Variants in GPC5 observed in about 807,000 individuals in gnomAD.
The protein encoded by GPC5 is glypican 5, also known as glypican-5.
Under a neutral mutation model 53.9 loss-of-function variants are expected in GPC5, and 47 were observed. The observed-to-expected ratio is 0.87, with a 90% confidence interval of 0.69 to 1.11. The LOEUF (loss-of-function observed/expected upper bound fraction) is 1.11, where lower values mean the gene tolerates loss of function less well. GPC5 is among the 50% of genes most tolerant of loss of function. The pLI, the probability that GPC5 is intolerant of heterozygous loss-of-function variation, is 0.00. For missense variants in GPC5, 748 were observed against 713.1 expected, an observed-to-expected ratio of 1.05 and a Z score of -0.56; for synonymous variants, 286 against 263.3, an observed-to-expected ratio of 1.09 and a Z score of -0.84.
At chr13:92,718,089 T>C (rs1329507053) in intron 7 of GPC5, among the ~76,000 whole-genome samples, 1 of 152,208 alleles carries the variant, frequency 6.6e-6, no homozygotes, top group Admixed American at 6.5e-5. Flanking sequence ...GGAACGCTTG[T>C]ACATTGCTAG....
At chr13:91,676,618 C>T (rs1206571024) in intron 2 of GPC5, among the ~76,000 whole-genome samples, 1 of 152,024 alleles carries the variant, frequency 6.6e-6, no homozygotes, top group East Asian at 1.9e-4. Flanking sequence ...CTTTTGTACC[C>T]TCCCTCACAC....
At chr13:92,518,842 T>C (rs536536689) in intron 7 of GPC5, among the ~76,000 whole-genome samples, 1 of 152,294 alleles carries the variant, frequency 6.6e-6, no homozygotes, top group South Asian at 2.1e-4. Context: ...GCAAATTGGA[T>C]AAAGAGTCAA....
Position 91,871,150 on chromosome 13 carries a change from A to C in GPC5, c.1281-36787A>C, listed in dbSNP as rs536376132. On this transcript the variant is annotated intron_variant, in intron 5 of 7. Coordinates refer to ENST00000377067, the MANE Select transcript of GPC5 (RefSeq NM_004466.6). ...AATTTTCAACTTTTGACAGCATGTCAGTACTCAAAAGTTTCAGATTTTGGA... is the reference window on the plus strand; with the variant it reads ...AATTTTCAACTTTTGACAGCATGTCCGTACTCAAAAGTTTCAGATTTTGGA... Among the ~76,000 whole-genome samples the C allele has an allele frequency of 3.9e-5, 6 of 152,348 alleles. No individual in the cohort carries two copies. The East Asian group carries it at 1.2e-3, about 29-fold the overall frequency.
intron 7 of GPC5, among the ~76,000 whole-genome samples, chr13:92,445,548 G>A (rs897670736): frequency 7.1e-6 from 1 of 140,384 alleles, no homozygotes; most frequent in Non-Finnish European, 1.5e-5. Flanking sequence ...TCCCACCTAT[G>A]AGTGAGAATA....
At chr13:91,554,459 T>A (rs1042674399) in intron 2 of GPC5, among the ~76,000 whole-genome samples, 8 of 152,028 alleles carry the variant, frequency 5.3e-5, no homozygotes, top group Non-Finnish European at 7.4e-5. Context: ...AATAATTTGC[T>A]GAAGGGGCAA....
At chr13:91,712,318 G>C (rs942366876) in intron 3 of GPC5, among the ~76,000 whole-genome samples, 1 of 151,080 alleles carries the variant, frequency 6.6e-6, no homozygotes, top group Non-Finnish European at 1.5e-5. Flanking sequence ...GTGTGTATAT[G>C]TGTGTGTGTG....
At chr13:91,601,108 T>C (rs957468922) in intron 2 of GPC5, among the ~76,000 whole-genome samples, 2 of 152,206 alleles carry the variant, frequency 1.3e-5, no homozygotes, top group African/African-American at 4.8e-5. Flanking sequence ...ATCTTCAAGA[T>C]TTATTTTAAA....
intron 7 of GPC5, among the ~76,000 whole-genome samples, chr13:92,433,628 G>T (rs1485489422): frequency 6.6e-6 from 1 of 152,112 alleles, no homozygotes; most frequent in Non-Finnish European, 1.5e-5. Flanking sequence ...TTATATGAAT[G>T]TTATGCCTGC....
chr13:92,527,731 G>A (rs557524842), intron 7 of GPC5, among the ~76,000 whole-genome samples: 12 of 152,104 alleles, frequency 7.9e-5, no homozygotes, highest in East Asian at 3.9e-4. Context: ...AGACACTTTC[G>A]AACAGCCTTT....
chr13:92,164,099 G>A (rs2042010244), intron 7 of GPC5, among the ~76,000 whole-genome samples: 1 of 152,038 alleles, frequency 6.6e-6, no homozygotes, highest in Admixed American at 6.5e-5. Flanking sequence ...CAACATGTGG[G>A]GATTACAATT....
chr13:92,771,595 G>A (rs556242586), intron 7 of GPC5, among the ~76,000 whole-genome samples: 8 of 152,046 alleles, frequency 5.3e-5, no homozygotes, highest in East Asian at 1.9e-4. Flanking sequence ...CACCTGCCTC[G>A]GCCTCCCAAA....
chr13:92,513,194 C>G (rs2138955659), intron 7 of GPC5, among the ~76,000 whole-genome samples: 1 of 152,288 alleles, frequency 6.6e-6, no homozygotes, highest in Non-Finnish European at 1.5e-5. Context: ...CCGCCTTTTC[C>G]TGTAGTGAAA....
chr13:92,368,971 G>T (rs2043628831), intron 7 of GPC5, among the ~76,000 whole-genome samples: 1 of 152,068 alleles, frequency 6.6e-6, no homozygotes, highest in African/African-American at 2.4e-5. Context: ...TGAGTCTATT[G>T]CATTTTCTCT....
At chr13:91,494,040 AT>A (rs746380324) in intron 2 of GPC5, among the ~76,000 whole-genome samples, 10 of 149,586 alleles carry the variant, frequency 6.7e-5, no homozygotes, top group East Asian at 5.9e-4. Flanking sequence ...CACCCGGCTA[AT>A]TTTTTTTTTA....
chr13:92,369,510 C>G (rs1229739403), intron 7 of GPC5, among the ~76,000 whole-genome samples: 1 of 152,148 alleles, frequency 6.6e-6, no homozygotes, highest in African/African-American at 2.4e-5. Flanking sequence ...TTGTTGTTTT[C>G]TCTTTGGTAT....
chr13:91,698,151 T>C (rs2035921824), intron 3 of GPC5, among the ~76,000 whole-genome samples: 1 of 152,170 alleles, frequency 6.6e-6, no homozygotes, highest in African/African-American at 2.4e-5. Flanking sequence ...TCCACCCATC[T>C]TGGCCTCCCA....
rs78972685 is a variant in GPC5, at chr13:91,976,526, C to G, written c.1401+68469C>G. On this transcript the variant is annotated intron_variant, in intron 6 of 7. Coordinates refer to ENST00000377067, the MANE Select transcript of GPC5 (RefSeq NM_004466.6). Reference sequence around the variant, plus strand: ...TTTATATAGCAGAGAAGGAATGTAACTAAGCTGTGGGAAAACAGGAATTAG... The same window carrying G: ...TTTATATAGCAGAGAAGGAATGTAAGTAAGCTGTGGGAAAACAGGAATTAG... Among the ~76,000 whole-genome samples the G allele has an allele frequency of 4.6e-3, 701 of 152,152 alleles. 11 individuals carry two copies. Among genetic ancestry groups the G allele is most frequent in the African/African-American group, 0.016 (673 of 41,500 alleles).
intron 7 of GPC5, among the ~76,000 whole-genome samples, chr13:92,836,767 A>G (rs374080532): frequency 2.5e-4 from 38 of 152,252 alleles, no homozygotes; most frequent in East Asian, 9.6e-4. Context: ...AGAGAGGCAT[A>G]TAAGACACCT....
At chr13:91,961,397 A>T (rs1001441401) in intron 6 of GPC5, among the ~76,000 whole-genome samples, 3 of 152,040 alleles carry the variant, frequency 2.0e-5, no homozygotes, top group African/African-American at 7.2e-5. Context: ...ACACATTTAC[A>T]GTCACTTGAT....
Sources: gnomAD v4.1 joint callset for allele counts (sites outside exome capture counted in the v4.1 genomes callset) on GRCh38, gnomAD v4.1.1 for gene constraint, MANE v1.5 for transcripts, NCBI Gene and HGNC (gene_info 2026-07-23, HGNC 2026-07-21) for gene names.